ABCD3: variants seen among roughly 807,000 people sequenced by gnomAD.
ABCD3 encodes ATP-binding cassette sub-family D member 3.
Under a neutral mutation model 105.5 loss-of-function variants are expected in ABCD3, and 41 were observed. The observed-to-expected ratio is 0.39, with a 90% CI of 0.30 to 0.50. The LOEUF is 0.50. Ranked by LOEUF, ABCD3 falls within the 20% of genes least tolerant of loss-of-function variation. The pLI is 0.84. For missense variants in ABCD3, 622 were observed against 806.3 expected (o/e 0.77, Z 2.77); for synonymous variants, 258 against 269.0 (o/e 0.96, Z 0.40).
intron 1 of ABCD3, among the ~76,000 whole-genome samples, chr1:94,443,572 A>G (rs1233432244): frequency 1.3e-5 from 2 of 152,206 alleles, no homozygotes; most frequent in African/African-American, 4.8e-5. Flanking sequence ...TTTATAAACA[A>G]GTTATAAGAT....
In ABCD3 at chr1:94,517,197, A is replaced by G. The variant is rs1650956030; in HGVS notation, c.*68A>G. On this transcript the variant is annotated 3_prime_UTR_variant, in exon 23 of 23. Coordinates refer to ENST00000370214, the MANE Select transcript of ABCD3 (RefSeq NM_002858.4). ...GAATATACTTAGAAAGGCAAAGTAC[A>G]TTGTAAAATAAAGTTGAGCTTAGTT... 8 of 1,185,530 alleles carry G rather than the reference A, an allele frequency of 6.7e-6. No individual in the cohort carries two copies. The highest frequency in any genetic ancestry group is 2.0e-4 in the Middle Eastern group (1 of 5,092). 73.4% of individuals were successfully genotyped at this position (1,185,530 alleles called of 1,614,324 possible).
intron 1 of ABCD3, among the ~76,000 whole-genome samples, chr1:94,445,694 C>T (rs1335573106): frequency 3.3e-5 from 5 of 152,162 alleles, no homozygotes; most frequent in East Asian, 1.9e-4. Context: ...AGTGACTGTT[C>T]GAGCAGTGCC....
chr1:94,386,893 T>C, the ABCD3 span, among the ~76,000 whole-genome samples: 3 of 152,050 alleles, frequency 2.0e-5, no homozygotes, highest in African/African-American at 7.2e-5. Context: ...ATTTACTGGG[T>C]CAATTAAGAT....
the ABCD3 span, among the ~76,000 whole-genome samples, chr1:94,405,353 A>G: frequency 6.1e-5 from 9 of 146,858 alleles, no homozygotes; most frequent in African/African-American, 2.3e-4. Flanking sequence ...TCTTGTCGCC[A>G]AGGCTGGAGT....
rs1304872912 is a variant in ABCD3 at position 94,475,251 on chromosome 1, A to C, written c.503+11A>C. The C allele has an allele frequency of 6.9e-7, 1 of 1,450,770 alleles. No homozygotes were observed. The highest frequency in any genetic ancestry group is 9.5e-7 in the Non-Finnish European group (1 of 1,056,342). 89.9% of individuals were successfully genotyped at this position (1,450,770 alleles called of 1,614,324 possible). A position where few individuals can be genotyped will look rare whatever the true frequency, so the allele number is the denominator to read the frequency against. On this transcript the variant is annotated intron_variant, in intron 6 of 22. Coordinates refer to ENST00000370214, the MANE Select transcript of ABCD3 (RefSeq NM_002858.4). ...TGAGGAGTATCTTCAGTAAGTGATA[A>C]CCTATTTTTATATTAAAAATATTTA...
At chr1:94,449,988 A>G (rs1001831920) in intron 1 of ABCD3, among the ~76,000 whole-genome samples, 2 of 152,208 alleles carry the variant, frequency 1.3e-5, no homozygotes, top group Admixed American at 6.5e-5. Context: ...AGCATCTAGA[A>G]GGACACTCTA....
At chr1:94,472,386 G>A (rs1648523249) in intron 4 of ABCD3, 1 of 178,962 alleles carries the variant, frequency 5.6e-6, no homozygotes, top group Non-Finnish European at 1.1e-5. Flanking sequence ...ATTGCTTAAT[G>A]TCTGTAATAT....
chr1:94,433,628 G>GGT (rs1659777401), intron 1 of ABCD3, among the ~76,000 whole-genome samples: 1 of 136,176 alleles, frequency 7.3e-6, no homozygotes, highest in Non-Finnish European at 1.6e-5. Context: ...ACAATGGTCA[G>GGT]TTTTTTTTTT....
chr1:94,490,078 G>A, intron 15 of ABCD3, 103 bp downstream of exon 15: 1 of 1,152,896 alleles, frequency 8.7e-7, no homozygotes, highest in Non-Finnish European at 1.3e-6. Flanking sequence ...AATTATTTCT[G>A]CTTTTTTAAA....
chr1:94,422,755 C>G (rs910502000), intron 1 of ABCD3, among the ~76,000 whole-genome samples: 1 of 152,168 alleles, frequency 6.6e-6, no homozygotes, highest in African/African-American at 2.4e-5. Flanking sequence ...TAGAAACATT[C>G]TTTTTGCAGA....
At chr1:94,469,890 C>T (rs1191197943) in intron 4 of ABCD3, among the ~76,000 whole-genome samples, 1 of 152,010 alleles carries the variant, frequency 6.6e-6, no homozygotes, top group East Asian at 1.9e-4. Context: ...TGGTCTTGAC[C>T]TCCTGACCTT....
At chr1:94,443,040 A>C (rs1377980911) in intron 1 of ABCD3, among the ~76,000 whole-genome samples, 1 of 152,214 alleles carries the variant, frequency 6.6e-6, no homozygotes, top group East Asian at 1.9e-4. Context: ...AGAAATCACC[A>C]TACTGTTTTC....
intron 4 of ABCD3, 72 bp from the exon 5 acceptor site, chr1:94,473,694 C>G (rs1648596397): frequency 8.6e-7 from 1 of 1,169,238 alleles, no homozygotes; most frequent in Non-Finnish European, 1.3e-6. Context: ...AATTTTAGAG[C>G]TTTACAGAAG....
chr1:94,449,864 G>A (rs1003640146), intron 1 of ABCD3, among the ~76,000 whole-genome samples: 2 of 152,188 alleles, frequency 1.3e-5, no homozygotes, highest in Admixed American at 6.5e-5. Flanking sequence ...GAAACATGGC[G>A]GTATGGTGGC....
intron 1 of ABCD3, among the ~76,000 whole-genome samples, chr1:94,434,577 A>G (rs1480262472): frequency 2.0e-5 from 3 of 152,136 alleles, no homozygotes; most frequent in African/African-American, 7.2e-5. Context: ...GGAATTTTTC[A>G]GCTCCATTAT....
chr1:94,482,285 T>TA (rs1163054912), intron 9 of ABCD3: 1 of 152,216 alleles, frequency 6.6e-6, no homozygotes, highest in African/African-American at 2.4e-5. Flanking sequence ...ACCTTGTTTT[T>TA]ATGAAAAACG....
intron 16 of ABCD3, among the ~76,000 whole-genome samples, chr1:94,492,173 G>A (rs1436613145): frequency 6.6e-6 from 1 of 152,126 alleles, no homozygotes; most frequent in African/African-American, 2.4e-5. Flanking sequence ...GTATTGGACA[G>A]CACAGCTCTA....
chr1:94,466,968 G>T (rs1004592989), intron 3 of ABCD3, among the ~76,000 whole-genome samples: 11 of 152,264 alleles, frequency 7.2e-5, no homozygotes, highest in African/African-American at 2.6e-4. Flanking sequence ...CTTTAAATAT[G>T]TGTACTTGGG....
chr1:94,406,431 T>A, the ABCD3 span: 1 of 376,946 alleles, frequency 2.7e-6, no homozygotes. Context: ...TTACAGCAGC[T>A]CAGGTTCCTT....
Sources: gnomAD v4.1 joint callset for allele counts (sites outside exome capture counted in the v4.1 genomes callset) on GRCh38, gnomAD v4.1.1 for gene constraint, MANE v1.5 for transcripts, NCBI Gene and HGNC (gene_info 2026-07-23, HGNC 2026-07-21) for gene names.